The following EXOC4 variants were observed in gnomAD, a reference collection of about 807,000 sequenced individuals.
The protein encoded by EXOC4 is exocyst complex component 4, also known as SEC8-like 1.
Under a neutral mutation model 107.2 loss-of-function variants are expected in EXOC4, and 71 were observed. That is an observed-to-expected ratio of 0.66 (90% CI 0.55 to 0.81). The LOEUF (loss-of-function observed/expected upper bound fraction) is 0.81. Among genes scored for constraint, EXOC4 ranks in the 30% least tolerant of loss-of-function variants. EXOC4 has a pLI of 0.00. For missense variants in EXOC4, 1,108 were observed against 1,189.6 expected, an observed-to-expected ratio of 0.93 and a Z score of 1.01; for synonymous variants, 456 against 441.2, an observed-to-expected ratio of 1.03 and a Z score of -0.42.
chr7:133,656,266 C>T (rs866580966), intron 10 of EXOC4, among the ~76,000 whole-genome samples: 1 of 152,048 alleles, frequency 6.6e-6, no homozygotes, highest in Admixed American at 6.6e-5. Flanking sequence ...AGGGGGAATT[C>T]ATAAAACACA....
intron 14 of EXOC4, among the ~76,000 whole-genome samples, chr7:133,968,227 A>C (rs963448133): frequency 6.6e-6 from 1 of 151,930 alleles, no homozygotes; most frequent in Non-Finnish European, 1.5e-5. Flanking sequence ...TTTTGAGCCT[A>C]TGTGTGTCTT....
intron 14 of EXOC4, among the ~76,000 whole-genome samples, chr7:133,983,642 T>C (rs1043244960): frequency 2.0e-5 from 3 of 151,806 alleles, no homozygotes; most frequent in Admixed American, 2.0e-4. Flanking sequence ...TTTGAACACA[T>C]AGACAAATGT....
intron 2 of EXOC4, among the ~76,000 whole-genome samples, chr7:133,279,994 G>A (rs1448328206): frequency 6.6e-6 from 1 of 151,950 alleles, no homozygotes; most frequent in Non-Finnish European, 1.5e-5. Context: ...GTTTCACTCT[G>A]TTGTCCAGGT....
intron 10 of EXOC4, among the ~76,000 whole-genome samples, chr7:133,730,890 C>T (rs1411499474): frequency 6.6e-6 from 1 of 152,032 alleles, no homozygotes; most frequent in Non-Finnish European, 1.5e-5. Context: ...GAAGACAGGC[C>T]TTTAGTAAGG....
intron 9 of EXOC4, among the ~76,000 whole-genome samples, chr7:133,482,093 C>T (rs150959906): frequency 6.6e-6 from 1 of 152,200 alleles, no homozygotes; most frequent in African/African-American, 2.4e-5. Context: ...TTCTCTACAC[C>T]TGTCTTCTAA....
intron 17 of EXOC4, among the ~76,000 whole-genome samples, chr7:134,016,328 G>A (rs1001806795): frequency 1.3e-5 from 2 of 152,120 alleles, no homozygotes; most frequent in Non-Finnish European, 2.9e-5. Context: ...TAGATGGAGA[G>A]TAATCCCCTG....
intron 14 of EXOC4, 130 bp from the exon 15 acceptor site, chr7:133,997,362 A>T: frequency 1.1e-6 from 1 of 880,478 alleles, no homozygotes; most frequent in African/African-American, 1.7e-5. Context: ...CATGTCTTGG[A>T]CTTCTAATGC....
intron 9 of EXOC4, among the ~76,000 whole-genome samples, chr7:133,591,497 C>A (rs1010834749): frequency 2.0e-5 from 3 of 152,000 alleles, no homozygotes; most frequent in African/African-American, 4.8e-5. Context: ...ATGTTTGAAA[C>A]CCATGCATAG....
chr7:133,577,586 A>G (rs1381045982), intron 9 of EXOC4, among the ~76,000 whole-genome samples: 1 of 152,198 alleles, frequency 6.6e-6, no homozygotes, highest in Non-Finnish European at 1.5e-5. Context: ...AGATCCTCTC[A>G]TCCTTGTTCA....
At position 133,917,661 on chromosome 7, in the gene EXOC4, A is replaced by G; in HGVS notation, c.1950A>G (p.Lys650=). The change falls in exon 13 of 18, where the codon AAA becomes AAG. Residue 650 remains lysine, a synonymous_variant. Coordinates refer to ENST00000253861, the MANE Select transcript of EXOC4 (RefSeq NM_021807.4). ...AKDDDISRLL[K]SLPNWMNMAQ... ...ATGATGATATCAGCAGACTCTTGAA[A>G]TCTCTACCAAACTGGATGAATATGG... The G allele has an allele frequency of 1.2e-6, 2 of 1,614,106 alleles. No homozygotes were observed. The highest frequency in any genetic ancestry group is 1.7e-6 in the Non-Finnish European group (2 of 1,180,012).
At chr7:133,830,713 A>G (rs1379709459) in intron 11 of EXOC4, among the ~76,000 whole-genome samples, 1 of 152,244 alleles carries the variant, frequency 6.6e-6, no homozygotes, top group East Asian at 1.9e-4. Flanking sequence ...TTATATTAAT[A>G]TCTTACACCT....
chr7:133,540,143 A>G (rs1352231093), intron 9 of EXOC4, among the ~76,000 whole-genome samples: 3 of 152,162 alleles, frequency 2.0e-5, no homozygotes, highest in Admixed American at 1.3e-4. Context: ...TGTTATTACT[A>G]TTGCCATTAC....
At chr7:134,049,806 T>C (rs867916181) in intron 17 of EXOC4, among the ~76,000 whole-genome samples, 39 of 152,328 alleles carry the variant, frequency 2.6e-4, no homozygotes, top group Non-Finnish European at 4.6e-4. Flanking sequence ...GAAATATTTG[T>C]TGAGCAAGTA....
At position 133,275,008 on chromosome 7, in the gene EXOC4, A is replaced by G; in HGVS notation, c.113A>G (p.Glu38Gly). 1 of 1,612,234 alleles carries G rather than the reference A, an allele frequency of 6.2e-7. No individual in the cohort carries two copies. Among genetic ancestry groups the G allele is most frequent in the Non-Finnish European group, 8.5e-7 (1 of 1,178,976 alleles). Residue 38 changes from glutamate to glycine, a missense_variant, in exon 2 of 18, where the codon GAA (glutamate) becomes GGA (glycine). Physicochemically the swap from Glu to Gly is moderately conservative, Grantham distance 98. Coordinates refer to ENST00000253861, the MANE Select transcript of EXOC4 (RefSeq NM_021807.4). ...IRTLSTSDDV[E>G]DRENEKGRLE... ...ACTCTGTCTACTAGTGACGATGTCG[A>G]AGACAGGGAAAATGAAAAGGGTCGC...
downstream of EXOC4, among the ~76,000 whole-genome samples, chr7:134,071,428 C>A (rs1796271744): frequency 6.6e-6 from 1 of 152,146 alleles, no homozygotes. Context: ...TCCTAAAGGA[C>A]CATCTTCAAA....
At chr7:133,355,167 AT>A (rs1376276981) in intron 5 of EXOC4, among the ~76,000 whole-genome samples, 1 of 152,194 alleles carries the variant, frequency 6.6e-6, no homozygotes, top group African/African-American at 2.4e-5. Flanking sequence ...GTAGTGCTGA[AT>A]AACTTAGAAT....
intron 10 of EXOC4, among the ~76,000 whole-genome samples, chr7:133,780,581 G>A (rs1351112143): frequency 9.9e-5 from 15 of 152,088 alleles, no homozygotes. Flanking sequence ...AGGAATTATT[G>A]TTTGTACAAA....
intron 9 of EXOC4, among the ~76,000 whole-genome samples, chr7:133,619,603 C>T (rs1032025529): frequency 3.3e-5 from 5 of 152,192 alleles, no homozygotes; most frequent in Non-Finnish European, 7.3e-5. Context: ...ATGGGCTCAC[C>T]TGATTAGAGA....
the EXOC4 span, among the ~76,000 whole-genome samples, chr7:134,091,402 A>T: frequency 5.9e-5 from 9 of 152,280 alleles, no homozygotes; most frequent in South Asian, 1.9e-3. Flanking sequence ...AGTGAGAATG[A>T]CCAAAGGTCA....
Sources: allele counts gnomAD v4.1 joint callset (sites outside exome capture counted in the v4.1 genomes callset), GRCh38; gene constraint gnomAD v4.1.1; transcripts MANE v1.5; gene names NCBI Gene and HGNC (gene_info 2026-07-23, HGNC 2026-07-21).